The following ZNF385D variants were observed in gnomAD, a reference collection of about 807,000 sequenced individuals.
The protein encoded by ZNF385D is zinc finger protein 659.
A neutral mutation model predicts 35.8 loss-of-function variants in ZNF385D; 15 were observed. That is an observed-to-expected ratio of 0.42 (90% CI 0.28 to 0.64). The LOEUF (loss-of-function observed/expected upper bound fraction) is 0.64, where lower values mean the gene tolerates loss of function less well. Among genes scored for constraint, ZNF385D ranks in the 30% least tolerant of loss-of-function variants. The pLI is 0.23. For missense variants in ZNF385D, 474 were observed against 494.6 expected (o/e 0.96, Z 0.39); for synonymous variants, 212 against 186.8 (o/e 1.13, Z -1.10).
intron 4 of ZNF385D, among the ~76,000 whole-genome samples, chr3:21,485,499 C>A (rs1349419332): frequency 6.6e-6 from 1 of 152,108 alleles, no homozygotes; most frequent in Non-Finnish European, 1.5e-5. Flanking sequence ...TGCCTTGGCA[C>A]TCTTTTCTGC....
intron 3 of ZNF385D, among the ~76,000 whole-genome samples, chr3:22,086,395 C>G (rs1219043681): frequency 6.6e-6 from 1 of 152,066 alleles, no homozygotes; most frequent in African/African-American, 2.4e-5. Flanking sequence ...CACAAGCATT[C>G]CTATACACCA....
chr3:22,164,216 C>CTTTTTTTTTTTTTTTTTTTTTTTTTTT (rs571978176), intron 3 of ZNF385D, among the ~76,000 whole-genome samples: 5 of 74,912 alleles, frequency 6.7e-5, no homozygotes, highest in African/African-American at 1.5e-4. Flanking sequence ...AAAAGGAGCA[C>CTTTTTTTTTTTTTTTTTTTTTTTTTTT]TTTTTTTTTT....
intron 3 of ZNF385D, among the ~76,000 whole-genome samples, chr3:22,135,267 G>A (rs1704037043): frequency 6.6e-6 from 1 of 151,920 alleles, no homozygotes; most frequent in Non-Finnish European, 1.5e-5. Context: ...ACTAGTAAGA[G>A]AGCTCAGCAA....
At chr3:22,331,887 CA>C (rs1328580995) in intron 2 of ZNF385D, among the ~76,000 whole-genome samples, 1 of 152,078 alleles carries the variant, frequency 6.6e-6, no homozygotes, top group Non-Finnish European at 1.5e-5. Context: ...TAGTAACTTT[CA>C]AAAAATATGT....
At chr3:21,535,939 G>A (rs543527458) in intron 3 of ZNF385D, among the ~76,000 whole-genome samples, 4 of 152,068 alleles carry the variant, frequency 2.6e-5, no homozygotes, top group Admixed American at 2.6e-4. Flanking sequence ...GTCTGTGGTA[G>A]ACAGAGTGGG....
chr3:21,445,368 C>T (rs1702091978), intron 4 of ZNF385D, among the ~76,000 whole-genome samples: 1 of 152,188 alleles, frequency 6.6e-6, no homozygotes, highest in Non-Finnish European at 1.5e-5. Context: ...TTGACTTAAG[C>T]TCGCCCTCAG....
At chr3:22,044,990 G>A (rs1296420306) in intron 3 of ZNF385D, among the ~76,000 whole-genome samples, 1 of 152,028 alleles carries the variant, frequency 6.6e-6, no homozygotes, top group Non-Finnish European at 1.5e-5. Context: ...TCCAGCCTGG[G>A]CAACAAGAGC....
chr3:21,926,276 C>T (rs1700723212), intron 3 of ZNF385D, among the ~76,000 whole-genome samples: 1 of 151,586 alleles, frequency 6.6e-6, no homozygotes, highest in Non-Finnish European at 1.5e-5. Flanking sequence ...TAATGCTATC[C>T]CTCCCCTAGT....
At chr3:22,061,843 T>C (rs769652083) in intron 3 of ZNF385D, among the ~76,000 whole-genome samples, 1 of 152,130 alleles carries the variant, frequency 6.6e-6, no homozygotes, top group Non-Finnish European at 1.5e-5. Flanking sequence ...TCTTTACACA[T>C]CTAGTTATTT....
At chr3:22,101,027 A>C (rs1701912229) in intron 3 of ZNF385D, among the ~76,000 whole-genome samples, 1 of 152,050 alleles carries the variant, frequency 6.6e-6, no homozygotes, top group South Asian at 2.1e-4. Context: ...CTACCCAAAC[A>C]GTTTCAATAA....
At chr3:21,941,512 T>G (rs1701516750) in intron 3 of ZNF385D, among the ~76,000 whole-genome samples, 1 of 128,948 alleles carries the variant, frequency 7.8e-6, no homozygotes, top group South Asian at 2.5e-4. Flanking sequence ...TTTTTTTTTT[T>G]TTTGAGATGG....
intron 3 of ZNF385D, among the ~76,000 whole-genome samples, chr3:21,806,089 G>A (rs1454236755): frequency 1.3e-5 from 2 of 152,008 alleles, no homozygotes; most frequent in Non-Finnish European, 2.9e-5. Flanking sequence ...CAGCAAAGCA[G>A]GCTTATTTGT....
chr3:21,473,752 T>G (rs225023), intron 4 of ZNF385D, among the ~76,000 whole-genome samples: 70,486 of 151,786 alleles, frequency 0.46, 16,790 homozygotes, highest in Middle Eastern at 0.56. Context: ...GGGCTGAACG[T>G]CTTTGGAATC....
At chr3:22,285,627 A>G (rs900036909) in intron 2 of ZNF385D, among the ~76,000 whole-genome samples, 1 of 151,974 alleles carries the variant, frequency 6.6e-6, no homozygotes, top group African/African-American at 2.4e-5. Context: ...GGTGTGCCGC[A>G]CCCATCAACT....
intron 3 of ZNF385D, among the ~76,000 whole-genome samples, chr3:21,853,378 A>C (rs1261594466): frequency 6.6e-6 from 1 of 151,872 alleles, no homozygotes; most frequent in Non-Finnish European, 1.5e-5. Flanking sequence ...TTAGATCAGA[A>C]ATAATATGTT....
In ZNF385D at chr3:21,966,570, C is replaced by G. The variant is rs540467961; in HGVS notation, c.325+202247G>C. On this transcript the variant is annotated intron_variant, in intron 3 of 5. Transcript: ENST00000494108. ...TTGTAAACCTATTGGTGTCAACTAG[C>G]AGGTTTACTTCTTGTTTGTTTGTTT... Among the ~76,000 whole-genome samples, 39 of 152,232 alleles carry G rather than the reference C, an allele frequency of 2.6e-4. 1 individual carries two copies. The highest frequency in any genetic ancestry group is 8.7e-4 in the African/African-American group (36 of 41,534).
At chr3:21,560,995 C>G (rs888408403) in intron 3 of ZNF385D, among the ~76,000 whole-genome samples, 1 of 152,132 alleles carries the variant, frequency 6.6e-6, no homozygotes, top group African/African-American at 2.4e-5. Context: ...CACCCCTCCC[C>G]CAACCAAGCT....
At chr3:22,168,742 T>C (rs995525244) in intron 3 of ZNF385D, 50 of 858,646 alleles carry the variant, frequency 5.8e-5, no homozygotes, top group Non-Finnish European at 6.9e-5. Flanking sequence ...CATTCTTTTA[T>C]CCTCACATCT....
chr3:21,457,460 A>T (rs1702895556), intron 4 of ZNF385D, among the ~76,000 whole-genome samples: 1 of 152,010 alleles, frequency 6.6e-6, no homozygotes, highest in South Asian at 2.1e-4. Flanking sequence ...GGTTCAGGTG[A>T]TTCTTCTGCC....
Sources: gnomAD v4.1 joint callset for allele counts (sites outside exome capture counted in the v4.1 genomes callset) on GRCh38, gnomAD v4.1.1 for gene constraint, MANE v1.5 for transcripts, NCBI Gene and HGNC (gene_info 2026-07-23, HGNC 2026-07-21) for gene names.